The following CRISPLD2 variants were observed in gnomAD, a reference collection of about 807,000 sequenced individuals.
CRISPLD2 encodes the protein cysteine rich secretory protein LCCL domain containing 2.
Under a neutral mutation model 71.1 loss-of-function variants are expected in CRISPLD2, and 47 were observed. That is an observed-to-expected ratio of 0.66 (90% CI 0.52 to 0.84). CRISPLD2 has a LOEUF of 0.84. Among genes scored for constraint, CRISPLD2 ranks in the 40% least tolerant of loss-of-function variants. The pLI, the probability that CRISPLD2 is intolerant of heterozygous loss-of-function variation, is 0.00. For missense variants in CRISPLD2, 830 were observed against 651.1 expected (o/e 1.27, Z -2.99); for synonymous variants, 317 against 250.1 (o/e 1.27, Z -2.52).
intron 3 of CRISPLD2, among the ~76,000 whole-genome samples, chr16:84,847,076 C>G (rs1443001582): frequency 6.6e-6 from 1 of 152,234 alleles, no homozygotes; most frequent in Non-Finnish European, 1.5e-5. Flanking sequence ...CGTCCTCAGA[C>G]CCATCCAGGA....
intron 13 of CRISPLD2, among the ~76,000 whole-genome samples, chr16:84,886,821 A>G (rs887345306): frequency 6.6e-6 from 1 of 152,186 alleles, no homozygotes; most frequent in Non-Finnish European, 1.5e-5. Context: ...TCCCCCGACA[A>G]AAAAATACAT....
At chr16:84,869,534 G>C (rs569522593) in intron 8 of CRISPLD2, among the ~76,000 whole-genome samples, 4 of 152,386 alleles carry the variant, frequency 2.6e-5, no homozygotes, top group African/African-American at 9.6e-5. Flanking sequence ...GACGTTGGCA[G>C]GACTGTGATG....
At chr16:84,831,803 C>T (rs1275023693) in intron 1 of CRISPLD2, among the ~76,000 whole-genome samples, 3 of 152,182 alleles carry the variant, frequency 2.0e-5, no homozygotes, top group African/African-American at 4.8e-5. Flanking sequence ...GGCACGATCT[C>T]GGCTCACTGC....
intron 14 of CRISPLD2, among the ~76,000 whole-genome samples, chr16:84,892,387 C>T (rs1030763729): frequency 4.6e-5 from 7 of 152,196 alleles, no homozygotes; most frequent in African/African-American, 9.6e-5. Context: ...TCAGCACACA[C>T]GTCCCACCCT....
intron 6 of CRISPLD2, among the ~76,000 whole-genome samples, chr16:84,866,239 G>T (rs61561066): frequency 0.64 from 95,023 of 147,994 alleles, 30,560 homozygotes; most frequent in East Asian, 0.83. Flanking sequence ...TTGTTTTTTG[G>T]TTTTTTTTTT....
chr16:84,838,520 A>G lies in CRISPLD2; in HGVS notation c.25A>G (p.Ile9Val). 6 of 1,614,084 alleles carry G rather than the reference A, an allele frequency of 3.7e-6. No homozygotes were observed. Among genetic ancestry groups the G allele is most frequent in the South Asian group, 1.1e-5 (1 of 91,082 alleles). The change falls in exon 2 of 15, where the codon ATC becomes GTC. Residue 9 changes from isoleucine (I) to valine (V), a missense_variant. By Grantham distance (29) the Ile-to-Val change is conservative (BLOSUM62 3). Coordinates refer to ENST00000262424, the MANE Select transcript of CRISPLD2 (RefSeq NM_031476.4). The stretch of plus-strand genomic sequence containing the variant: ...CATGAGCTGCGTCCTGGGTGGTGTC[A>G]TCCCCTTGGGGCTGCTGTTCCTGGT... MSCVLGGV[I>V]PLGLLFLVCG...
chr16:84,845,985 GT>G, intron 3 of CRISPLD2, 81 bp downstream of exon 3: 1 of 859,972 alleles, frequency 1.2e-6, no homozygotes, highest in Non-Finnish European at 1.9e-6. Context: ...CCCTTATCAA[GT>G]TTAGCCTGCA....
intron 14 of CRISPLD2, among the ~76,000 whole-genome samples, chr16:84,905,029 C>T (rs1042597716): frequency 2.6e-5 from 4 of 152,110 alleles, no homozygotes; most frequent in African/African-American, 9.7e-5. Context: ...ACCCATAATC[C>T]CAGCACTTTG....
At chr16:84,825,457 T>C (rs1287719597) in intron 1 of CRISPLD2, among the ~76,000 whole-genome samples, 1 of 152,082 alleles carries the variant, frequency 6.6e-6, no homozygotes, top group Non-Finnish European at 1.5e-5. Context: ...TCCATGTTTC[T>C]AAAATAAAGG....
chr16:84,820,336 C>T lies in CRISPLD2; in HGVS notation c.-75+203C>T, dbSNP rs368496848. On this transcript the variant is annotated intron_variant, in intron 1 of 14. Transcript: ENST00000262424. ...GGCTCAGCGAGGACAACTCATTTGT[C>T]CAGGACCTCGCAGCCAGGACTCCAA... is the stretch of plus-strand genomic sequence containing the variant. Among the ~76,000 whole-genome samples the T allele has an allele frequency of 3.9e-4, 60 of 152,254 alleles. 1 individual carries two copies. The South Asian group carries it at 0.012, about 31-fold the overall frequency.
At chr16:84,890,155 G>A (rs140719826) in intron 14 of CRISPLD2, among the ~76,000 whole-genome samples, 3,679 of 152,022 alleles carry the variant, frequency 0.024, 142 homozygotes, top group African/African-American at 0.084. Context: ...TCAGGAGATC[G>A]AGACCATCCT....
chr16:84,885,264 C>T (rs1002498776), intron 13 of CRISPLD2, among the ~76,000 whole-genome samples: 3 of 151,982 alleles, frequency 2.0e-5, no homozygotes, highest in African/African-American at 4.8e-5. Flanking sequence ...AACTCGCCCC[C>T]GCTCACGGCG....
chr16:84,838,970 C>G (rs774777039), intron 2 of CRISPLD2: 1 of 668,310 alleles, frequency 1.5e-6, no homozygotes, highest in Non-Finnish European at 2.7e-6. Context: ...TGCCCTGAAA[C>G]CTTAGACTCC....
chr16:84,859,882 A>C (rs1315367886), intron 6 of CRISPLD2, among the ~76,000 whole-genome samples: 2 of 152,172 alleles, frequency 1.3e-5, no homozygotes, highest in African/African-American at 2.4e-5. Context: ...TTCCCATTGC[A>C]TTTAAATTTT....
At chr16:84,891,189 A>C (rs566997827) in intron 14 of CRISPLD2, among the ~76,000 whole-genome samples, 2 of 152,362 alleles carry the variant, frequency 1.3e-5, no homozygotes, top group Non-Finnish European at 2.9e-5. Flanking sequence ...GCAATGTTGA[A>C]GATTTCATAT....
chr16:84,861,495 G>A (rs1466543508), intron 6 of CRISPLD2, among the ~76,000 whole-genome samples: 1 of 152,208 alleles, frequency 6.6e-6, no homozygotes, highest in African/African-American at 2.4e-5. Flanking sequence ...GGACAAAGAT[G>A]TAGGTTGAGA....
chr16:84,839,302 T>G (rs910272282), intron 2 of CRISPLD2: 1 of 259,252 alleles, frequency 3.9e-6, no homozygotes, highest in South Asian at 4.1e-5. Flanking sequence ...GCTCTCAGCC[T>G]TTCCCACCTG....
At chr16:84,853,238 C>A (rs1205062143) in intron 5 of CRISPLD2, among the ~76,000 whole-genome samples, 2 of 152,112 alleles carry the variant, frequency 1.3e-5, no homozygotes, top group Admixed American at 6.5e-5. Context: ...GACGTACCCA[C>A]GACAGGGCCA....
intron 14 of CRISPLD2, among the ~76,000 whole-genome samples, chr16:84,892,396 C>G (rs957919599): frequency 6.6e-6 from 1 of 152,220 alleles, no homozygotes; most frequent in Non-Finnish European, 1.5e-5. Flanking sequence ...ACGTCCCACC[C>G]TTGCTCCAGC....
Sources: gnomAD v4.1 joint callset for allele counts (sites outside exome capture counted in the v4.1 genomes callset) on GRCh38, gnomAD v4.1.1 for gene constraint, MANE v1.5 for transcripts, NCBI Gene and HGNC (gene_info 2026-07-23, HGNC 2026-07-21) for gene names.